The following TRIM33 variants were observed in gnomAD, a reference collection of about 807,000 sequenced individuals.
TRIM33 encodes tripartite motif containing 33.
Under a neutral mutation model 125.4 loss-of-function variants are expected in TRIM33, and 20 were observed. The ratio of observed to expected loss-of-function variants is 0.16; its 90% CI spans 0.11 to 0.23. The LOEUF is 0.23. TRIM33 is among the 10% of genes least tolerant of loss of function. TRIM33 has a pLI of 1.00. For missense variants in TRIM33, 920 were observed against 1,411.4 expected, an observed-to-expected ratio of 0.65 and a Z score of 5.58; for synonymous variants, 564 against 513.9, an observed-to-expected ratio of 1.10 and a Z score of -1.32.
chr1:114,432,722 C>G (rs547421179), intron 5 of TRIM33, among the ~76,000 whole-genome samples: 2 of 152,150 alleles, frequency 1.3e-5, no homozygotes, highest in Non-Finnish European at 2.9e-5. Flanking sequence ...GAAGGTGGAG[C>G]TTGCAGTGAG....
At chr1:114,459,220 C>T (rs1316585850) in intron 4 of TRIM33, among the ~76,000 whole-genome samples, 1 of 152,166 alleles carries the variant, frequency 6.6e-6, no homozygotes, top group Non-Finnish European at 1.5e-5. Flanking sequence ...ACAGTTGGAA[C>T]TTTCAGCCCT....
chr1:114,439,765 C>T (rs115431734), intron 4 of TRIM33, among the ~76,000 whole-genome samples: 5,876 of 151,724 alleles, frequency 0.039, 150 homozygotes, highest in Non-Finnish European at 0.056. Context: ...CTGTTTAAAA[C>T]CAGTGATAAA....
intron 1 of TRIM33, among the ~76,000 whole-genome samples, chr1:114,492,767 C>T (rs544256160): frequency 1.3e-5 from 2 of 152,270 alleles, no homozygotes; most frequent in South Asian, 4.1e-4. Context: ...TTTTCAGGAC[C>T]AAATAATATC....
At chr1:114,450,304 C>T (rs1387922247) in intron 4 of TRIM33, among the ~76,000 whole-genome samples, 1 of 151,758 alleles carries the variant, frequency 6.6e-6, no homozygotes, top group Non-Finnish European at 1.5e-5. Context: ...CTTCATCTCC[C>T]GACTTTCTTT....
At chr1:114,438,116 T>G (rs1216897449) in intron 4 of TRIM33, among the ~76,000 whole-genome samples, 1 of 152,144 alleles carries the variant, frequency 6.6e-6, no homozygotes, top group Non-Finnish European at 1.5e-5. Context: ...AGCTAATAAC[T>G]TCAAACTTCT....
At chr1:114,448,897 A>G (rs1264750993) in intron 4 of TRIM33, among the ~76,000 whole-genome samples, 4 of 152,180 alleles carry the variant, frequency 2.6e-5, no homozygotes, top group Non-Finnish European at 1.5e-5. Context: ...ATGAGTGGCT[A>G]CAGCAGTGTA....
In TRIM33 at chr1:114,510,993, C is replaced by A; in HGVS notation, c.84G>T (p.Gly28=). ...GCGGCTCCGCCTCCTGCGCGGCGGGCCCGGCGGCCCCGGCAGTTACCGGCG... is the reference window on the plus strand; with the variant it reads ...GCGGCTCCGCCTCCTGCGCGGCGGGACCGGCGGCCCCGGCAGTTACCGGCG... ...GSAPVTAGAA[G]PAAQEAEPPL... Residue 28 remains glycine (G), a synonymous_variant, in exon 1 of 20, where the codon GGG becomes GGT. Transcript: ENST00000358465. 7.5e-7 allele frequency: 1 copy of A among 1,328,360 alleles called. No homozygotes were observed. 82.3% of individuals were successfully genotyped at this position (1,328,360 alleles called of 1,614,324 possible). A position where few individuals can be genotyped will look rare whatever the true frequency, so the allele number is the denominator to read the frequency against.
At position 114,396,475 on chromosome 1, in the gene TRIM33, G is replaced by A. The variant is rs1642206125; in HGVS notation, c.*1173C>T. 5.1e-6 allele frequency: 1 copy of A among 195,122 alleles called. No individual in the cohort carries two copies. Among genetic ancestry groups the A allele is most frequent in the Admixed American group, 6.1e-5 (1 of 16,420 alleles). 12.1% of individuals were successfully genotyped at this position (195,122 alleles called of 1,614,324 possible). On this transcript the variant is annotated 3_prime_UTR_variant, in exon 20 of 20. Transcript: ENST00000358465. ...TATTTCGATATTTCAATAATAAGCT[G>A]CTTCTGAAGATTTTTTGAGAAGTCT...
chr1:114,461,215 A>AAATAT (rs1189329511), intron 4 of TRIM33, among the ~76,000 whole-genome samples: 5 of 133,154 alleles, frequency 3.8e-5, no homozygotes, highest in African/African-American at 1.3e-4. Flanking sequence ...TGTCTTTAAA[A>AAATAT]ATATATATAT....
At chr1:114,440,553 A>C (rs892051275) in intron 4 of TRIM33, among the ~76,000 whole-genome samples, 2 of 152,204 alleles carry the variant, frequency 1.3e-5, no homozygotes, top group African/African-American at 4.8e-5. Context: ...ACTATTTAAA[A>C]TTTTAGATGA....
chr1:114,457,777 T>C (rs185650686), intron 4 of TRIM33, among the ~76,000 whole-genome samples: 3 of 152,294 alleles, frequency 2.0e-5, no homozygotes, highest in Admixed American at 1.3e-4. Flanking sequence ...AGCATCTTGT[T>C]TGGAGGGCCA....
At chr1:114,438,304 C>A (rs1648433325) in intron 4 of TRIM33, among the ~76,000 whole-genome samples, 1 of 152,130 alleles carries the variant, frequency 6.6e-6, no homozygotes, top group Non-Finnish European at 1.5e-5. Context: ...TTTAATAAAA[C>A]CCAGTTTCAT....
chr1:114,498,310 C>T (rs11102800), intron 1 of TRIM33, among the ~76,000 whole-genome samples: 87,564 of 151,932 alleles, frequency 0.58, 27,773 homozygotes, highest in African/African-American at 0.86. Context: ...AGAAAAAGAA[C>T]AGAATCTTAT....
At chr1:114,495,075 G>A (rs1165979539) in intron 1 of TRIM33, among the ~76,000 whole-genome samples, 1 of 152,048 alleles carries the variant, frequency 6.6e-6, no homozygotes, top group African/African-American at 2.4e-5. Context: ...CACCACACCT[G>A]GCTAATTTTT....
Position 114,510,846 on chromosome 1 carries a change from A to G in TRIM33, c.231T>C (p.Ala77=). The change falls in exon 1 of 20, where the codon GCT becomes GCC. Residue 77 remains alanine, a synonymous_variant. Coordinates refer to ENST00000358465, the MANE Select transcript of TRIM33 (RefSeq NM_015906.4). ...CCACTGAGGCCGCAGGAGATGAAGC[A>G]GCCTGGGCCGAGCCCGAGGAGGCCG... ...VAAASSGSAQ[A]ASSPAASVGT... The G allele has an allele frequency of 6.7e-7, 1 of 1,493,134 alleles. No individual in the cohort carries two copies. Among genetic ancestry groups the G allele is most frequent in the Non-Finnish European group, 8.9e-7 (1 of 1,128,734 alleles). The allele number at this position is 1,493,134 out of a possible 1,614,324, so 92.5% of individuals were successfully genotyped here.
At chr1:114,413,149 T>C (rs1340449097) in intron 11 of TRIM33, among the ~76,000 whole-genome samples, 1 of 152,150 alleles carries the variant, frequency 6.6e-6, no homozygotes, top group African/African-American at 2.4e-5. Context: ...TTGTTTTTAA[T>C]AGTAACATGT....
chr1:114,493,799 A>G (rs1350671373), intron 1 of TRIM33, among the ~76,000 whole-genome samples: 1 of 152,054 alleles, frequency 6.6e-6, no homozygotes, highest in Non-Finnish European at 1.5e-5. Context: ...CCTCCCAAGT[A>G]CCTACCAGGG....
At chr1:114,495,780 G>C (rs1652333178) in intron 1 of TRIM33, among the ~76,000 whole-genome samples, 1 of 152,078 alleles carries the variant, frequency 6.6e-6, no homozygotes, top group African/African-American at 2.4e-5. Context: ...ATGAAAAAGA[G>C]GGAATCACCT....
intron 13 of TRIM33, among the ~76,000 whole-genome samples, chr1:114,407,794 T>G (rs750124296): frequency 6.6e-6 from 1 of 152,124 alleles, no homozygotes; most frequent in Non-Finnish European, 1.5e-5. Flanking sequence ...TTGGAGGGTG[T>G]TGGAAATCAA....
Sources: allele counts gnomAD v4.1 joint callset (sites outside exome capture counted in the v4.1 genomes callset), GRCh38; gene constraint gnomAD v4.1.1; transcripts MANE v1.5; gene names NCBI Gene and HGNC (gene_info 2026-07-23, HGNC 2026-07-21).